Variants in PDE6D observed in about 807,000 individuals in gnomAD.
PDE6D encodes the protein retinal rod rhodopsin-sensitive cGMP 3',5'-cyclic phosphodiesterase subunit delta.
Under a neutral mutation model 21.9 loss-of-function variants are expected in PDE6D, and 10 were observed. The ratio of observed to expected loss-of-function variants is 0.46; its 90% CI spans 0.28 to 0.78. PDE6D has a LOEUF of 0.78. PDE6D is among the 30% of genes least tolerant of loss of function. PDE6D has a pLI of 0.12. For synonymous variants in PDE6D, 59 were observed against 63.5 expected (o/e 0.93, Z 0.34); for missense variants, 139 against 184.8 (o/e 0.75, Z 1.44).
intron 1 of PDE6D, among the ~76,000 whole-genome samples, chr2:231,756,879 C>CA (rs60172790): frequency 2.1e-3 from 285 of 134,146 alleles, no homozygotes; most frequent in Middle Eastern, 4.0e-3. Context: ...TTTAAGTGCT[C>CA]AAAAAAAAAA....
intron 1 of PDE6D, among the ~76,000 whole-genome samples, chr2:231,777,043 G>A (rs2049063166): frequency 6.6e-6 from 1 of 152,114 alleles, no homozygotes; most frequent in South Asian, 2.1e-4. Context: ...GAAACAATGT[G>A]TTGTCCAAAC....
At chr2:231,777,168 A>G (rs1053797206) in intron 1 of PDE6D, among the ~76,000 whole-genome samples, 4 of 152,202 alleles carry the variant, frequency 2.6e-5, no homozygotes, top group African/African-American at 9.6e-5. Context: ...TCTCACAAAA[A>G]CAGATACTCT....
intron 1 of PDE6D, among the ~76,000 whole-genome samples, chr2:231,766,329 A>G (rs1434038978): frequency 6.6e-6 from 1 of 152,250 alleles, no homozygotes; most frequent in Non-Finnish European, 1.5e-5. Flanking sequence ...TCTCCCTAGC[A>G]AAGTCAAACA....
chr2:231,735,241 C>CAA (rs201484196), intron 4 of PDE6D, among the ~76,000 whole-genome samples: 1,236 of 86,878 alleles, frequency 0.014, 15 homozygotes, highest in Non-Finnish European at 0.021. Flanking sequence ...GACTCCATAT[C>CAA]AAAAAAAAAA....
At chr2:231,751,969 A>G (rs1056841405) in intron 1 of PDE6D, among the ~76,000 whole-genome samples, 1 of 152,224 alleles carries the variant, frequency 6.6e-6, no homozygotes, top group African/African-American at 2.4e-5. Context: ...ATAAATAACT[A>G]TATGAATTAC....
At position 231,737,278 on chromosome 2, in the gene PDE6D, A is replaced by T; in HGVS notation, c.280T>A (p.Phe94Ile). ...GQCLEEWFFEFGFVIPNSTNT... is the reference protein window; with the variant it reads ...GQCLEEWFFEIGFVIPNSTNT... ...GTGGAGTTAGGGATCACAAAGCCAA[A>T]CTCGAAGAACCATTCTGAAGGAAGA... Residue 94 changes from phenylalanine (F) to isoleucine (I), a missense_variant, in exon 4 of 5, where the codon TTT (phenylalanine) becomes ATT (isoleucine). Physicochemically the swap from Phe to Ile is conservative, Grantham distance 21. Coordinates refer to ENST00000287600, the MANE Select transcript of PDE6D (RefSeq NM_002601.4). 6.2e-7 allele frequency: 1 copy of T among 1,606,840 alleles called. No individual in the cohort carries two copies. The highest frequency in any genetic ancestry group is 8.5e-7 in the Non-Finnish European group (1 of 1,173,460).
intron 1 of PDE6D, among the ~76,000 whole-genome samples, chr2:231,758,379 C>T (rs1326646824): frequency 3.3e-5 from 5 of 151,998 alleles, no homozygotes; most frequent in Non-Finnish European, 7.4e-5. Context: ...TCGAGTGATG[C>T]CCTTACCTTG....
chr2:231,779,052 T>A (rs1196685887), intron 1 of PDE6D: 35 of 152,224 alleles, frequency 2.3e-4, no homozygotes. Flanking sequence ...TTCCTGAAGG[T>A]AGTAGCATAT....
chr2:231,746,060 T>C (rs971193375), intron 1 of PDE6D, among the ~76,000 whole-genome samples: 5 of 152,224 alleles, frequency 3.3e-5, no homozygotes, highest in Non-Finnish European at 4.4e-5. Flanking sequence ...CCAACACAAA[T>C]TTGTAAACTT....
At chr2:231,761,279 A>C (rs138658955) in intron 1 of PDE6D, among the ~76,000 whole-genome samples, 7 of 151,896 alleles carry the variant, frequency 4.6e-5, no homozygotes, top group African/African-American at 1.7e-4. Context: ...GGTTCACGCC[A>C]TTCTCCTGCC....
intron 1 of PDE6D, among the ~76,000 whole-genome samples, chr2:231,754,584 C>T (rs1008115762): frequency 2.0e-5 from 3 of 148,618 alleles, no homozygotes; most frequent in African/African-American, 7.5e-5. Flanking sequence ...GTTGGCCAGG[C>T]TGGTCTTGAA....
intron 4 of PDE6D, among the ~76,000 whole-genome samples, chr2:231,734,262 C>A (rs2048677590): frequency 6.6e-6 from 1 of 151,632 alleles, no homozygotes; most frequent in Admixed American, 6.6e-5. Context: ...ATAGTTGGTT[C>A]CCTACTTATA....
At chr2:231,755,289 A>T (rs564099273) in intron 1 of PDE6D, among the ~76,000 whole-genome samples, 1 of 152,354 alleles carries the variant, frequency 6.6e-6, no homozygotes, top group African/African-American at 2.4e-5. Context: ...TTAAAATTAC[A>T]GTGCTTTTTT....
At chr2:231,742,529 A>C (rs905982114) in intron 1 of PDE6D, among the ~76,000 whole-genome samples, 3 of 152,222 alleles carry the variant, frequency 2.0e-5, no homozygotes, top group African/African-American at 4.8e-5. Flanking sequence ...AAAACAATTG[A>C]CAAACCATTA....
intron 1 of PDE6D, among the ~76,000 whole-genome samples, chr2:231,752,306 G>A (rs150757228): frequency 7.2e-5 from 11 of 152,194 alleles, no homozygotes; most frequent in African/African-American, 2.4e-4. Context: ...TCACGTAGCA[G>A]CTGTGATCTT....
intron 1 of PDE6D, among the ~76,000 whole-genome samples, chr2:231,762,033 C>T (rs1484868333): frequency 2.0e-5 from 3 of 152,162 alleles, no homozygotes; most frequent in Non-Finnish European, 4.4e-5. Flanking sequence ...TCAAATATAC[C>T]ATGGAAATGG....
At chr2:231,764,147 A>G (rs1269360602) in intron 1 of PDE6D, among the ~76,000 whole-genome samples, 1 of 151,610 alleles carries the variant, frequency 6.6e-6, no homozygotes, top group East Asian at 2.0e-4. Context: ...TGCCAGATGT[A>G]GTGGCTCAAG....
chr2:231,767,016 A>AAAAAAAAAAAAAAC (rs2048976387), intron 1 of PDE6D, among the ~76,000 whole-genome samples: 1 of 151,232 alleles, frequency 6.6e-6, no homozygotes, highest in Non-Finnish European at 1.5e-5. Context: ...AAAAAAAAAA[A>AAAAAAAAAAAAAAC]AAGCTAAGTC....
chr2:231,750,637 G>T lies in PDE6D; in HGVS notation c.51-11449C>A, dbSNP rs544649863. Among the ~76,000 whole-genome samples the T allele has an allele frequency of 4.7e-5, 7 of 148,794 alleles. No individual in the cohort carries two copies. In the East Asian group the frequency reaches 1.4e-3, roughly 29 times the overall value. On this transcript the variant is annotated intron_variant, in intron 1 of 4. Transcript: ENST00000287600. ...GCCTCCCAAGTAGCAGGGATTACAG[G>T]TGTGTGCCACCATGCTCATCTAATT...
Sources: gnomAD v4.1 joint callset for allele counts (sites outside exome capture counted in the v4.1 genomes callset) on GRCh38, gnomAD v4.1.1 for gene constraint, MANE v1.5 for transcripts, NCBI Gene and HGNC (gene_info 2026-07-23, HGNC 2026-07-21) for gene names.